The following SLMAP variants were observed in gnomAD, a reference collection of about 807,000 sequenced individuals.
The protein encoded by SLMAP is sarcolemmal membrane-associated protein.
Under a neutral mutation model 128.8 loss-of-function variants are expected in SLMAP, and 44 were observed. The ratio of observed to expected loss-of-function variants is 0.34; its 90% CI spans 0.27 to 0.44. The LOEUF (loss-of-function observed/expected upper bound fraction) is 0.44, where lower values mean the gene tolerates loss of function less well. Among genes scored for constraint, SLMAP ranks in the 20% least tolerant of loss-of-function variants. SLMAP has a pLI of 1.00. For missense variants in SLMAP, 787 were observed against 985.3 expected, an observed-to-expected ratio of 0.80 and a Z score of 2.69; for synonymous variants, 327 against 348.8, an observed-to-expected ratio of 0.94 and a Z score of 0.70.
chr3:57,894,774 T>C (rs1481746455), intron 15 of SLMAP, among the ~76,000 whole-genome samples: 3 of 152,120 alleles, frequency 2.0e-5, no homozygotes, highest in Admixed American at 6.6e-5. Context: ...TAGGGAAATA[T>C]TGAATCAAAC....
At chr3:57,815,698 C>T (rs2091765723) in intron 2 of SLMAP, among the ~76,000 whole-genome samples, 1 of 151,566 alleles carries the variant, frequency 6.6e-6, no homozygotes, top group African/African-American at 2.4e-5. Context: ...TCTTGAACTC[C>T]TGGACTCAGA....
Position 57,798,110 on chromosome 3 carries a change from A to T in SLMAP, c.199-33273A>T, listed in dbSNP as rs187288559. Among the ~76,000 whole-genome samples, 180 of 152,304 alleles carry T rather than the reference A, an allele frequency of 1.2e-3. 1 individual carries two copies. Among genetic ancestry groups the T allele is most frequent in the Non-Finnish European group, 6.9e-4 (47 of 68,028 alleles). On this transcript the variant is annotated intron_variant, in intron 2 of 24. Coordinates refer to ENST00000671191, the MANE Select transcript of SLMAP (RefSeq NM_001377540.1). Reference sequence around the variant, plus strand: ...CACGGTAAAGACTAAATAAATGTTAACTAATTTTATTGGTATGTAAGCTCC... The same window carrying T: ...CACGGTAAAGACTAAATAAATGTTATCTAATTTTATTGGTATGTAAGCTCC...
chr3:57,811,411 G>A (rs1435405893), intron 2 of SLMAP, among the ~76,000 whole-genome samples: 1 of 152,160 alleles, frequency 6.6e-6, no homozygotes, highest in Non-Finnish European at 1.5e-5. Flanking sequence ...TGTAGCATTT[G>A]TCAGAATTTC....
At position 57,896,932 on chromosome 3, in the gene SLMAP, G is replaced by T. The variant is rs1323022619; in HGVS notation, c.1501G>T (p.Asp501Tyr). The change falls in exon 17 of 25, where the codon GAT becomes TAT. Residue 501 changes from aspartate to tyrosine, a missense_variant and splice_region_variant. Asp to Tyr is a radical substitution (Grantham distance 160). Around this residue, in one of 2 missense-constraint regions of SLMAP, gnomAD observed 715 missense variants for 843.6 expected, o/e 0.85. Coordinates refer to ENST00000671191, the MANE Select transcript of SLMAP (RefSeq NM_001377540.1). ...TCTTGCCAAAGTGTCCCTTTTAAAA[G>T]GTACTTTAACATGTTTTTATGACAT... ...EPLAKVSLLK[D>Y]DLQGAQSEIE... is the part of the protein sequence containing the mutation. 6.2e-7 allele frequency: 1 copy of T among 1,612,684 alleles called. No individual in the cohort carries two copies. Among genetic ancestry groups the T allele is most frequent in the Non-Finnish European group, 8.5e-7 (1 of 1,179,510 alleles).
chr3:57,784,517 T>C (rs1319431278), intron 2 of SLMAP, among the ~76,000 whole-genome samples: 1 of 152,154 alleles, frequency 6.6e-6, no homozygotes, highest in African/African-American at 2.4e-5. Context: ...TTTTGGAAAG[T>C]TGGTAACTTG....
intron 22 of SLMAP, among the ~76,000 whole-genome samples, chr3:57,919,908 C>T (rs903243049): frequency 3.3e-5 from 5 of 152,166 alleles, no homozygotes; most frequent in Non-Finnish European, 7.3e-5. Flanking sequence ...GTCCTTGCCA[C>T]CCCCTCACGT....
chr3:57,899,561 A>ATTTTG (rs1221657540), intron 17 of SLMAP: 1 of 151,752 alleles, frequency 6.6e-6, no homozygotes, highest in African/African-American at 2.4e-5. Flanking sequence ...TTTTTTACTT[A>ATTTTG]TTTTGTTTTG....
chr3:57,917,793 A>C (rs946771544), intron 22 of SLMAP: 3 of 152,304 alleles, frequency 2.0e-5, no homozygotes, highest in Non-Finnish European at 2.9e-5. Context: ...CACTCCCTGC[A>C]TTGACTCCTG....
At chr3:57,906,300 C>CTTTTTTTTTTTTTTTTTT (rs112949836) in intron 17 of SLMAP, among the ~76,000 whole-genome samples, 3 of 71,288 alleles carry the variant, frequency 4.2e-5, no homozygotes, top group Admixed American at 3.7e-4. Context: ...AAATTTTTTT[C>CTTTTTTTTTTTTTTTTTT]TTTTTTTTTC....
intron 13 of SLMAP, among the ~76,000 whole-genome samples, chr3:57,867,198 A>C (rs915976590): frequency 2.6e-5 from 4 of 152,124 alleles, no homozygotes; most frequent in Non-Finnish European, 5.9e-5. Flanking sequence ...AAACAAAACA[A>C]AACAGTCAAT....
intron 16 of SLMAP, 63 bp from the exon 17 acceptor site, chr3:57,896,810 A>C: frequency 8.6e-6 from 13 of 1,515,184 alleles, no homozygotes; most frequent in African/African-American, 1.4e-5. Context: ...TTTGATAACA[A>C]TAGCTTGCTG....
rs754295080 is a variant in SLMAP at position 57,908,022 on chromosome 3, C to G, written c.1624+16C>G. The G allele has an allele frequency of 6.2e-7, 1 of 1,612,412 alleles. No homozygotes were observed. Among genetic ancestry groups the G allele is most frequent in the South Asian group, 1.1e-5 (1 of 90,844 alleles). On this transcript the variant is annotated intron_variant, in intron 18 of 24. Transcript: ENST00000671191. Reference sequence around the variant, plus strand: ...GAACTTCAAGGTGAGATCAAGATTACTTTGGTTCTTTAGGGATGTGTGGAG... The same window carrying G: ...GAACTTCAAGGTGAGATCAAGATTAGTTTGGTTCTTTAGGGATGTGTGGAG...
intron 2 of SLMAP, among the ~76,000 whole-genome samples, chr3:57,770,909 A>G (rs1279335853): frequency 6.6e-6 from 1 of 151,980 alleles, no homozygotes; most frequent in Non-Finnish European, 1.5e-5. Flanking sequence ...ATTTTTTAGG[A>G]TTTTGGAATA....
In SLMAP at chr3:57,913,881, C is replaced by G. The variant is rs562698460; in HGVS notation, c.2138+606C>G. On this transcript the variant is annotated intron_variant, in intron 21 of 24. Coordinates refer to ENST00000671191, the MANE Select transcript of SLMAP (RefSeq NM_001377540.1). ...GCTGAGGTGGGAGAATTGCTTGGGC[C>G]CAGGAGGTCAAGGCTGCAGTGAGCC... Among the ~76,000 whole-genome samples the G allele has an allele frequency of 2.0e-5, 3 of 152,000 alleles. No individual in the cohort carries two copies. The South Asian group carries it at 6.2e-4, about 32-fold the overall frequency.
chr3:57,871,494 C>A, intron 13 of SLMAP, 142 bp from the exon 14 acceptor site: 1 of 604,888 alleles, frequency 1.7e-6, no homozygotes, highest in South Asian at 2.1e-5. Context: ...CAAAATATGT[C>A]TGCTTTAGTA....
At chr3:57,920,306 CCAGG>C (rs2096893507) in intron 22 of SLMAP, among the ~76,000 whole-genome samples, 1 of 152,174 alleles carries the variant, frequency 6.6e-6, no homozygotes, top group South Asian at 2.1e-4. Flanking sequence ...GGCATACTAT[CCAGG>C]CTTGTTGTGG....
At chr3:57,761,974 G>C (rs1220642228) in intron 2 of SLMAP, among the ~76,000 whole-genome samples, 20 of 149,696 alleles carry the variant, frequency 1.3e-4, no homozygotes, top group African/African-American at 4.9e-4. Flanking sequence ...GTGAACCCGG[G>C]AAGCGGAGCT....
chr3:57,877,853 T>C (rs1233950660), intron 14 of SLMAP, among the ~76,000 whole-genome samples: 7 of 137,922 alleles, frequency 5.1e-5, no homozygotes, highest in African/African-American at 1.9e-4. Context: ...TTTTTTTTTT[T>C]AAACAGAGTC....
At chr3:57,808,167 C>G (rs2090255648) in intron 2 of SLMAP, among the ~76,000 whole-genome samples, 1 of 151,992 alleles carries the variant, frequency 6.6e-6, no homozygotes, top group East Asian at 1.9e-4. Flanking sequence ...ATTGGTCTAG[C>G]AAGCAGTCTA....
Sources: allele counts gnomAD v4.1 joint callset (sites outside exome capture counted in the v4.1 genomes callset), GRCh38; gene constraint gnomAD v4.1.1; regional missense constraint gnomAD v4.1.1; transcripts MANE v1.5; gene names NCBI Gene and HGNC (gene_info 2026-07-23, HGNC 2026-07-21).